The following SLC24A2 variants were observed in gnomAD, a reference collection of about 807,000 sequenced individuals.
SLC24A2 encodes sodium/potassium/calcium exchanger 2.
In SLC24A2, 36 loss-of-function variants were observed where a neutral mutation model predicts 62.0. The observed-to-expected ratio is 0.58, with a 90% confidence interval of 0.44 to 0.77. The LOEUF (loss-of-function observed/expected upper bound fraction) is 0.77, where lower values mean the gene tolerates loss of function less well. SLC24A2 is among the 30% of genes least tolerant of loss of function. SLC24A2 has a pLI of 0.00. For missense variants in SLC24A2, 846 were observed against 817.9 expected, an observed-to-expected ratio of 1.03 and a Z score of -0.42; for synonymous variants, 358 against 294.0, an observed-to-expected ratio of 1.22 and a Z score of -2.23.
At chr9:19,835,252 A>G in the SLC24A2 span, among the ~76,000 whole-genome samples, 1 of 152,366 alleles carries the variant, frequency 6.6e-6, no homozygotes, top group East Asian at 1.9e-4. Flanking sequence ...AAATGGGCTA[A>G]ATGCTCCAAT....
chr9:20,266,114 C>T, the SLC24A2 span, among the ~76,000 whole-genome samples: 4 of 152,182 alleles, frequency 2.6e-5, no homozygotes, highest in Non-Finnish European at 4.4e-5. Context: ...GTCCTGTGAT[C>T]TCGCCCTGCC....
chr9:19,960,959 T>A, the SLC24A2 span, among the ~76,000 whole-genome samples: 86 of 152,056 alleles, frequency 5.7e-4, 1 homozygote, highest in African/African-American at 2.0e-3. Flanking sequence ...AGAGCTACTC[T>A]GGAATGCCCT....
chr9:20,065,174 T>C, the SLC24A2 span, among the ~76,000 whole-genome samples: 5 of 152,252 alleles, frequency 3.3e-5, no homozygotes, highest in South Asian at 1.0e-3. Context: ...AAAGGACAGA[T>C]TGGGCAGGGG....
chr9:20,042,675 C>A, the SLC24A2 span, among the ~76,000 whole-genome samples: 1 of 152,142 alleles, frequency 6.6e-6, no homozygotes, highest in Non-Finnish European at 1.5e-5. Context: ...TGCTTTATTG[C>A]ACTTTGCAGG....
the SLC24A2 span, among the ~76,000 whole-genome samples, chr9:20,094,154 G>A: frequency 6.6e-6 from 1 of 152,060 alleles, no homozygotes; most frequent in South Asian, 2.1e-4. Flanking sequence ...TATACTATAT[G>A]TCCTTATATA....
intron 2 of SLC24A2, among the ~76,000 whole-genome samples, chr9:19,768,290 C>G (rs1055225003): frequency 6.6e-6 from 1 of 152,184 alleles, no homozygotes; most frequent in Non-Finnish European, 1.5e-5. Flanking sequence ...CACATTCTCT[C>G]ACTTCTTGAA....
At chr9:20,269,369 G>T in the SLC24A2 span, among the ~76,000 whole-genome samples, 5 of 152,108 alleles carry the variant, frequency 3.3e-5, no homozygotes, top group African/African-American at 9.7e-5. Context: ...TATACCATGG[G>T]TTTGAATCCA....
chr9:20,260,955 A>C, the SLC24A2 span, among the ~76,000 whole-genome samples: 356 of 148,566 alleles, frequency 2.4e-3, 4 homozygotes, highest in African/African-American at 8.5e-3. Flanking sequence ...TCCCGGGTTC[A>C]AGCGATTCTC....
intron 2 of SLC24A2, among the ~76,000 whole-genome samples, chr9:19,638,998 T>A (rs745758655): frequency 6.6e-6 from 1 of 152,210 alleles, no homozygotes; most frequent in Non-Finnish European, 1.5e-5. Context: ...CAGTTTCACA[T>A]AAATATGAAG....
At chr9:19,754,737 T>C (rs1822087522) in intron 2 of SLC24A2, among the ~76,000 whole-genome samples, 1 of 151,704 alleles carries the variant, frequency 6.6e-6, no homozygotes, top group Non-Finnish European at 1.5e-5. Context: ...TGTGCCAAAA[T>C]GCAACTCCAA....
intron 2 of SLC24A2, among the ~76,000 whole-genome samples, chr9:19,751,807 C>T (rs925049745): frequency 1.3e-5 from 2 of 152,114 alleles, no homozygotes; most frequent in Non-Finnish European, 2.9e-5. Flanking sequence ...GAGGATCAGA[C>T]GTAGGAAGGG....
chr9:19,851,009 A>ATTTTTTTTTTTTTTT, the SLC24A2 span, among the ~76,000 whole-genome samples: 1 of 41,690 alleles, frequency 2.4e-5, no homozygotes. Context: ...ATACACATAC[A>ATTTTTTTTTTTTTTT]TATATATATA....
At chr9:20,297,234 G>C in the SLC24A2 span, among the ~76,000 whole-genome samples, 1 of 152,184 alleles carries the variant, frequency 6.6e-6, no homozygotes, top group South Asian at 2.1e-4. Context: ...CTGTGCTCCA[G>C]GAAAACCTGA....
chr9:20,144,713 G>C, the SLC24A2 span, among the ~76,000 whole-genome samples: 3 of 152,034 alleles, frequency 2.0e-5, no homozygotes, highest in East Asian at 1.9e-4. Context: ...GTCAATCGGG[G>C]TCATTCAATC....
chr9:19,511,760 C>T lies in SLC24A2; in HGVS notation c.*4393G>A, dbSNP rs1174371557. The T allele has an allele frequency of 1.3e-5, 2 of 152,190 alleles. No individual in the cohort carries two copies. Among genetic ancestry groups the T allele is most frequent in the African/African-American group, 2.4e-5 (1 of 41,452 alleles). 9.4% of individuals were successfully genotyped at this position (152,190 alleles called of 1,614,324 possible). ...CCAGAAATCACCCTGAGAACAGCTT[C>T]ACTTTGTTTCTTCTGGAACACAGCT... On this transcript the variant is annotated 3_prime_UTR_variant, in exon 11 of 11. Transcript: ENST00000341998.
intron 5 of SLC24A2, among the ~76,000 whole-genome samples, chr9:19,593,763 G>C (rs998745033): frequency 2.0e-5 from 3 of 151,972 alleles, no homozygotes; most frequent in Non-Finnish European, 2.9e-5. Context: ...CGGGGCTTTG[G>C]GGGGACACAG....
the SLC24A2 span, among the ~76,000 whole-genome samples, chr9:20,096,081 A>G: frequency 7.2e-4 from 101 of 139,706 alleles, no homozygotes; most frequent in African/African-American, 1.8e-3. Context: ...CCATCCATCC[A>G]TCCATCCGTC....
chr9:19,979,713 C>T, the SLC24A2 span, among the ~76,000 whole-genome samples: 5 of 152,118 alleles, frequency 3.3e-5, no homozygotes, highest in Admixed American at 6.6e-5. Context: ...GGGAGATGAT[C>T]CCAATATCCT....
chr9:20,020,622 A>G, the SLC24A2 span, among the ~76,000 whole-genome samples: 1 of 152,210 alleles, frequency 6.6e-6, no homozygotes, highest in Non-Finnish European at 1.5e-5. Context: ...CCTATTGTAG[A>G]TGATGGGTTG....
Sources: gnomAD v4.1 joint callset for allele counts (sites outside exome capture counted in the v4.1 genomes callset) on GRCh38, gnomAD v4.1.1 for gene constraint, MANE v1.5 for transcripts, NCBI Gene and HGNC (gene_info 2026-07-23, HGNC 2026-07-21) for gene names.